The following PCYT1A variants were observed in gnomAD, a reference collection of about 807,000 sequenced individuals.
The protein encoded by PCYT1A is phosphate cytidylyltransferase 1A, choline.
In PCYT1A, 25 loss-of-function variants were observed where a neutral mutation model predicts 43.7. The ratio of observed to expected loss-of-function variants is 0.57; its 90% CI spans 0.42 to 0.80. The LOEUF is 0.80. Among genes scored for constraint, PCYT1A ranks in the 30% least tolerant of loss-of-function variants. The probability of loss-of-function intolerance (pLI) is 0.00; values close to 1 mark genes in which losing one functional copy is unlikely to be tolerated. For missense variants in PCYT1A, 421 were observed against 474.2 expected (o/e 0.89, Z 1.04); for synonymous variants, 172 against 170.7 (o/e 1.01, Z -0.06).
intron 1 of PCYT1A, among the ~76,000 whole-genome samples, chr3:196,271,190 A>T (rs77893772): frequency 0.02 from 3,018 of 148,184 alleles, 103 homozygotes; most frequent in African/African-American, 0.07. Context: ...ACACCTAGTT[A>T]TTTTTTTTTT....
chr3:196,239,950 G>A, intron 7 of PCYT1A: 1 of 515,598 alleles, frequency 1.9e-6, no homozygotes, highest in Non-Finnish European at 3.4e-6. Context: ...GTGGGCATTT[G>A]GGAATAAACT....
chr3:196,240,060 C>G, intron 7 of PCYT1A: 2 of 270,274 alleles, frequency 7.4e-6, no homozygotes, highest in Non-Finnish European at 1.4e-5. Context: ...GCAGCATGGC[C>G]CGAACCTCAT....
At chr3:196,262,773 C>CT (rs1725152097) in intron 2 of PCYT1A, among the ~76,000 whole-genome samples, 1 of 146,360 alleles carries the variant, frequency 6.8e-6, no homozygotes, top group Non-Finnish European at 1.5e-5. Flanking sequence ...ACACTTTTTA[C>CT]TTTCTAAGGA....
intron 3 of PCYT1A, among the ~76,000 whole-genome samples, chr3:196,254,393 C>G (rs1212891769): frequency 6.6e-6 from 1 of 151,888 alleles, no homozygotes; most frequent in Admixed American, 6.6e-5. Context: ...CTCTGTCACC[C>G]AGGCTGAAGT....
Position 196,242,608 on chromosome 3 carries a change from A to G in PCYT1A, c.519T>C (p.Tyr173=). 2 of 1,611,312 alleles carry G rather than the reference A, an allele frequency of 1.2e-6. No individual in the cohort carries two copies. The highest frequency in any genetic ancestry group is 1.7e-6 in the Non-Finnish European group (2 of 1,177,402). The change falls in exon 6 of 9, where the codon TAT becomes TAC. Residue 173 remains tyrosine (Y), a synonymous_variant. Coordinates refer to ENST00000431016, the MANE Select transcript of PCYT1A (RefSeq NM_001312673.2). The surrounding 1 kb of genome is among the most constrained non-coding windows in gnomAD (Gnocchi z 4.2). ...IDFVAHDDIP[Y]SSAGSDDVYK... ...AAACATCATCACTGCCAGCAGATGA[A>G]TAAGGAATATCATCATGGGCTACAA...
Position 196,242,693 on chromosome 3 carries a change from C to T in PCYT1A, c.487-53G>A. On this transcript the variant is annotated intron_variant, in intron 5 of 8. Transcript: ENST00000431016. This position sits in a 1 kb window ranked among gnomAD's most constrained non-coding sequence, Gnocchi z 4.2. ...CCATGATAACTGCCATTCAGAAAGACCCAGTCAATGTTCTCAGGCCCAGAA... is the reference window on the plus strand; with the variant it reads ...CCATGATAACTGCCATTCAGAAAGATCCAGTCAATGTTCTCAGGCCCAGAA... The T allele has an allele frequency of 8.2e-7, 1 of 1,213,474 alleles. No individual in the cohort carries two copies. Among genetic ancestry groups the T allele is most frequent in the Admixed American group, 1.7e-5 (1 of 59,526 alleles). The allele number at this position is 1,213,474 out of a possible 1,614,324, so 75.2% of individuals were successfully genotyped here.
rs774963889 is a variant in PCYT1A, at chr3:196,239,736, CTAGA to C, written c.709-5_709-2del. On this transcript the variant is annotated splice_acceptor_variant and splice_polypyrimidine_tract_variant and intron_variant, in intron 7 of 8. Coordinates refer to ENST00000431016, the MANE Select transcript of PCYT1A (RefSeq NM_001312673.2). LOFTEE classifies it high-confidence loss of function. ...TCTCCTGCAAGTGGTATTTCTTCTC[CTAGA>C]TAAAGAAATAACTCTTCTGAGAAAT... is the stretch of plus-strand genomic sequence containing the variant. The C allele has an allele frequency of 1.9e-6, 3 of 1,589,580 alleles. No homozygotes were observed. The highest frequency in any genetic ancestry group is 2.6e-6 in the Non-Finnish European group (3 of 1,158,142).
chr3:196,280,570 GTTTTTTTTT>G, intron 1 of PCYT1A, among the ~76,000 whole-genome samples: 1 of 91,340 alleles, frequency 1.1e-5, no homozygotes, highest in South Asian at 4.0e-4. Flanking sequence ...TATTTTTATT[GTTTTTTTTT>G]TTTTTTTTTT....
chr3:196,263,140 G>A (rs1363903250), intron 2 of PCYT1A, among the ~76,000 whole-genome samples: 1 of 152,128 alleles, frequency 6.6e-6, no homozygotes, highest in Non-Finnish European at 1.5e-5. Flanking sequence ...GAATGCCACA[G>A]AAAAACATTT....
rs963356951 is a variant in PCYT1A, at chr3:196,238,867, G to A, written c.925C>T (p.Arg309Trp). The change falls in exon 9 of 9, where the codon CGG becomes TGG. Residue 309 changes from arginine to tryptophan, a missense_variant. Transcript: ENST00000431016. ...LKHMLKEGKG[R>W]MLQAISPKQS... ...TTCGGGCTGATGGCCTGCAGCATCC[G>A]GCCCTTCCCCTCTTTCAGCATATGT... The A allele has an allele frequency of 2.0e-6, 3 of 1,473,440 alleles. No homozygotes were observed. The highest frequency in any genetic ancestry group is 1.8e-6 in the Non-Finnish European group (2 of 1,111,174). The allele number at this position is 1,473,440 out of a possible 1,614,324, so 91.3% of individuals were successfully genotyped here.
Position 196,247,663 on chromosome 3 carries a change from C to A in PCYT1A, c.335-145G>T. ...AAAAGTCTTCTAAAGGTGGTTGAAC[C>A]TGGGTGATAACGCTTTTCCTAATGC... On this transcript the variant is annotated intron_variant, in intron 4 of 8. Coordinates refer to ENST00000431016, the MANE Select transcript of PCYT1A (RefSeq NM_001312673.2). The surrounding 1 kb of genome is among the most constrained non-coding windows in gnomAD (Gnocchi z 4.8). The A allele has an allele frequency of 1.3e-6, 1 of 771,764 alleles. No homozygotes were observed. The highest frequency in any genetic ancestry group is 1.7e-5 in the African/African-American group (1 of 58,692). 47.8% of individuals were successfully genotyped at this position (771,764 alleles called of 1,614,324 possible). A position where few individuals can be genotyped will look rare whatever the true frequency, so the allele number is the denominator to read the frequency against.
Position 196,282,514 on chromosome 3 carries a change from T to C in PCYT1A, c.-11+5101A>G, listed in dbSNP as rs1022060901. Among the ~76,000 whole-genome samples the C allele has an allele frequency of 1.3e-5, 2 of 152,190 alleles. No individual in the cohort carries two copies. The highest frequency in any genetic ancestry group is 2.9e-5 in the Non-Finnish European group (2 of 68,018). On this transcript the variant is annotated intron_variant, in intron 1 of 8. Transcript: ENST00000431016. The surrounding 1 kb of genome is among the most constrained non-coding windows in gnomAD (Gnocchi z 4.3). ...TGATGAACATAAGCTACAGCAGTAATAGCAGACTTATTAGACAAATGGATT... is the reference window on the plus strand; with the variant it reads ...TGATGAACATAAGCTACAGCAGTAACAGCAGACTTATTAGACAAATGGATT...
intron 3 of PCYT1A, among the ~76,000 whole-genome samples, chr3:196,249,420 G>A (rs1490159007): frequency 1.3e-5 from 2 of 150,968 alleles, no homozygotes; most frequent in Non-Finnish European, 2.9e-5. Context: ...TTCCAGGTGT[G>A]AGCCACCATG....
At position 196,236,395 on chromosome 3, in the gene PCYT1A, G is replaced by C. The variant is rs559697244; in HGVS notation, c.*2293C>G. ...AAAGAGAGAAGGCTGACGCAGAAAA[G>C]TTCAAAGATGAGACTATGTAACACT... On this transcript the variant is annotated 3_prime_UTR_variant, in exon 9 of 9. Transcript: ENST00000431016. 1 of 152,348 alleles carries C rather than the reference G, an allele frequency of 6.6e-6. No individual in the cohort carries two copies. The highest frequency in any genetic ancestry group is 2.1e-4 in the South Asian group (1 of 4,826). The allele number at this position is 152,348 out of a possible 1,614,324, so 9.4% of individuals were successfully genotyped here.
intron 3 of PCYT1A, among the ~76,000 whole-genome samples, chr3:196,255,320 G>T (rs62409165): frequency 0.011 from 1,718 of 152,222 alleles, 24 homozygotes; most frequent in Admixed American, 0.015. Flanking sequence ...CACCATTCCC[G>T]GGTGAGGTTT....
intron 5 of PCYT1A, among the ~76,000 whole-genome samples, chr3:196,245,520 G>A (rs1724535043): frequency 6.6e-6 from 1 of 152,180 alleles, no homozygotes; most frequent in Non-Finnish European, 1.5e-5. Flanking sequence ...TCGGAGGCGT[G>A]CTAAACTTCA....
Position 196,238,375 on chromosome 3 carries a change from TA to T in PCYT1A, c.*312del. On this transcript the variant is annotated 3_prime_UTR_variant, in exon 9 of 9. Transcript: ENST00000431016. ...TTCTACATTTGAAAGACGAATTTTT[TA>T]AAAAATTAATGAAAATGACAATTTC... 1 of 209,694 alleles carries T rather than the reference TA, an allele frequency of 4.8e-6. No individual in the cohort carries two copies. Among genetic ancestry groups the T allele is most frequent in the Middle Eastern group, 1.6e-3 (1 of 622 alleles). The allele number at this position is 209,694 out of a possible 1,614,324, so 13.0% of individuals were successfully genotyped here.
At chr3:196,275,623 C>T (rs752842632) in intron 1 of PCYT1A, among the ~76,000 whole-genome samples, 39 of 151,970 alleles carry the variant, frequency 2.6e-4, no homozygotes, top group Non-Finnish European at 4.9e-4. Context: ...ATCCCAGCTA[C>T]TCGGGAGGCT....
chr3:196,245,687 G>T (rs1724541842), intron 5 of PCYT1A, among the ~76,000 whole-genome samples: 2 of 152,004 alleles, frequency 1.3e-5, no homozygotes, highest in Admixed American at 1.3e-4. Context: ...ACTTGTCAGG[G>T]ATCCATAGGC....
Sources: gnomAD v4.1 joint callset for allele counts (sites outside exome capture counted in the v4.1 genomes callset) on GRCh38, gnomAD v4.1.1 for gene constraint, Gnocchi (gnomAD v3.1) non-coding constraint, MANE v1.5 for transcripts, NCBI Gene and HGNC (gene_info 2026-07-23, HGNC 2026-07-21) for gene names.